RBM22: variants seen among roughly 807,000 people sequenced by gnomAD.
RBM22 encodes pre-mRNA-splicing factor RBM22.
Under a neutral mutation model 50.1 loss-of-function variants are expected in RBM22, and 1 was observed. That is an observed-to-expected ratio of 0.02 (90% CI 0.01 to 0.09). The LOEUF (loss-of-function observed/expected upper bound fraction) is 0.09. Among genes scored for constraint, RBM22 ranks in the 10% least tolerant of loss-of-function variants. The probability of loss-of-function intolerance (pLI) is 1.00; values close to 1 mark genes in which losing one functional copy is unlikely to be tolerated. For missense variants in RBM22, 264 were observed against 529.3 expected (o/e 0.50, Z 4.92); for synonymous variants, 152 against 179.0 (o/e 0.85, Z 1.20).
Position 150,690,974 on chromosome 5 carries a change from TTTCA to T in RBM22, c.*773_*776del, listed in dbSNP as rs1345358433. ...CAGAGTCCCAGCAGGAGGTCACGTC[TTTCA>T]TTCAGACGCTCCAATGCTTTTCATT... On this transcript the variant is annotated 3_prime_UTR_variant, in exon 11 of 11. Coordinates refer to ENST00000199814, the MANE Select transcript of RBM22 (RefSeq NM_018047.3). The T allele has an allele frequency of 6.6e-6, 1 of 152,370 alleles. No homozygotes were observed. The highest frequency in any genetic ancestry group is 1.5e-5 in the Non-Finnish European group (1 of 68,040). 9.4% of individuals were successfully genotyped at this position (152,370 alleles called of 1,614,324 possible). A position where few individuals can be genotyped will look rare whatever the true frequency, so the allele number is the denominator to read the frequency against.
chr5:150,691,986 T>C, intron 10 of RBM22, 105 bp from the exon 11 acceptor site: 1 of 1,235,014 alleles, frequency 8.1e-7, no homozygotes. Context: ...TAAATCAAGG[T>C]TGACACGGGG....
At chr5:150,692,709 G>T (rs1230685706) in intron 10 of RBM22, among the ~76,000 whole-genome samples, 186 bp downstream of exon 10, 2 of 151,988 alleles carry the variant, frequency 1.3e-5, no homozygotes, top group East Asian at 3.9e-4. Context: ...TAGAAAACTG[G>T]CCCCTTTCTT....
In RBM22 at chr5:150,696,430, T is replaced by G; in HGVS notation, c.545+103A>C. On this transcript the variant is annotated intron_variant, in intron 6 of 10. Transcript: ENST00000199814. The surrounding 1 kb of genome is among the most constrained non-coding windows in gnomAD (Gnocchi z 4.3). The stretch of plus-strand genomic sequence containing the variant: ...CATGAGGTATACCACATTAGTTGTA[T>G]GACCTTTAGATTTTAAAGCAGAAAC... 7.9e-7 allele frequency: 1 copy of G among 1,269,938 alleles called. No homozygotes were observed. The highest frequency in any genetic ancestry group is 1.1e-6 in the Non-Finnish European group (1 of 912,110). 78.7% of individuals were successfully genotyped at this position (1,269,938 alleles called of 1,614,324 possible).
chr5:150,692,919 C>T lies in RBM22; in HGVS notation c.1108G>A (p.Gly370Ser), dbSNP rs1759227272. Reference sequence around the variant, plus strand: ...CCTGGGGGTGGGGGTGGAGCAATGCCAGGGGGCGGTGGCAGAGCAATGTTC... The same window carrying T: ...CCTGGGGGTGGGGGTGGAGCAATGCTAGGGGGCGGTGGCAGAGCAATGTTC... ...VVNIALPPPPGIAPPPPPGFG... is the reference protein window; with the variant it reads ...VVNIALPPPPSIAPPPPPGFG... The change falls in exon 10 of 11, where the codon GGC becomes AGC. Residue 370 changes from glycine (G) to serine (S), a missense_variant. Coordinates refer to ENST00000199814, the MANE Select transcript of RBM22 (RefSeq NM_018047.3). The T allele has an allele frequency of 6.2e-7, 1 of 1,609,776 alleles. No homozygotes were observed. Among genetic ancestry groups the T allele is most frequent in the Non-Finnish European group, 8.5e-7 (1 of 1,178,254 alleles).
At position 150,698,455 on chromosome 5, in the gene RBM22, A is replaced by G. The variant is rs1269699828; in HGVS notation, c.271+44T>C. ...AGACAAAAGACTGACTTGTAGTTTT[A>G]GGCACCTGCACACTTTCAGATTTAT... On this transcript the variant is annotated intron_variant, in intron 4 of 10. Coordinates refer to ENST00000199814, the MANE Select transcript of RBM22 (RefSeq NM_018047.3). The G allele has an allele frequency of 3.1e-6, 5 of 1,596,640 alleles. 1 individual carries two copies. The Admixed American group carries it at 8.5e-5, about 27-fold the overall frequency.
In RBM22 at chr5:150,691,867, T is replaced by C. The variant is rs376285557; in HGVS notation, c.1147A>G (p.Met383Val). The part of the protein sequence containing the change: ...PPPPPGFGPH[M>V]FHPMGPPPPF... ...GGGGGTGGTCCCATTGGGTGGAACA[T>C]GTGTGGCCCAAAACCTGCAGATACG... Residue 383 changes from methionine (M) to valine (V), a missense_variant, in exon 11 of 11, where the codon ATG (methionine) becomes GTG (valine). Coordinates refer to ENST00000199814, the MANE Select transcript of RBM22 (RefSeq NM_018047.3). 4.4e-6 allele frequency: 7 copies of C among 1,591,132 alleles called. No homozygotes were observed. The highest frequency in any genetic ancestry group is 5.1e-6 in the Non-Finnish European group (6 of 1,169,416).
In RBM22 at chr5:150,692,934, G is replaced by A. The variant is rs1727948894; in HGVS notation, c.1093C>T (p.Leu365=). 6.2e-7 allele frequency: 1 copy of A among 1,612,908 alleles called. No homozygotes were observed. The highest frequency in any genetic ancestry group is 1.3e-5 in the African/African-American group (1 of 74,892). Residue 365 remains leucine, a synonymous_variant, in exon 10 of 11, where the codon CTG becomes TTG. Coordinates refer to ENST00000199814, the MANE Select transcript of RBM22 (RefSeq NM_018047.3). ...SGPPAVVNIA[L]PPPPGIAPPP... ...GGAGCAATGCCAGGGGGCGGTGGCA[G>A]AGCAATGTTCACCACAGCTGGAGGA...
At chr5:150,699,637 A>C (rs1466030411) in intron 2 of RBM22, among the ~76,000 whole-genome samples, 2 of 152,290 alleles carry the variant, frequency 1.3e-5, no homozygotes, top group African/African-American at 4.8e-5. Flanking sequence ...AAAGAAATAG[A>C]GTATATGCAT....
At chr5:150,699,388 G>C in intron 2 of RBM22, 117 bp from the exon 3 acceptor site, 2 of 1,378,498 alleles carry the variant, frequency 1.5e-6, no homozygotes, top group Non-Finnish European at 1.9e-6. Context: ...GCATCCTAGA[G>C]AGAGAAAAAC....
At position 150,690,971 on chromosome 5, in the gene RBM22, GT is replaced by G. The variant is rs1561676991; in HGVS notation, c.*779del. 1.3e-5 allele frequency: 2 copies of G among 152,330 alleles called. No individual in the cohort carries two copies. The highest frequency in any genetic ancestry group is 4.8e-5 in the African/African-American group (2 of 41,432). 9.4% of individuals were successfully genotyped at this position (152,330 alleles called of 1,614,324 possible). A position where few individuals can be genotyped will look rare whatever the true frequency, so the allele number is the denominator to read the frequency against. On this transcript the variant is annotated 3_prime_UTR_variant, in exon 11 of 11. Coordinates refer to ENST00000199814, the MANE Select transcript of RBM22 (RefSeq NM_018047.3). ...CATCAGAGTCCCAGCAGGAGGTCACGTCTTTCATTCAGACGCTCCAATGCTT... is the reference window on the plus strand; with the variant it reads ...CATCAGAGTCCCAGCAGGAGGTCACGCTTTCATTCAGACGCTCCAATGCTT...
chr5:150,691,699 G>T lies in RBM22; in HGVS notation c.*52C>A. ...AAATATATTTATTCCAAGATTTACTGGGAGTTTTAAGTGCCCTTTCTTCCA... is the reference window on the plus strand; with the variant it reads ...AAATATATTTATTCCAAGATTTACTTGGAGTTTTAAGTGCCCTTTCTTCCA... On this transcript the variant is annotated 3_prime_UTR_variant, in exon 11 of 11. Coordinates refer to ENST00000199814, the MANE Select transcript of RBM22 (RefSeq NM_018047.3). 7.0e-7 allele frequency: 1 copy of T among 1,431,646 alleles called. No individual in the cohort carries two copies. Among genetic ancestry groups the T allele is most frequent in the South Asian group, 1.7e-5 (1 of 60,058 alleles). The allele number at this position is 1,431,646 out of a possible 1,614,324, so 88.7% of individuals were successfully genotyped here.
At chr5:150,692,462 T>C in intron 10 of RBM22, among the ~76,000 whole-genome samples, 1 of 152,186 alleles carries the variant, frequency 6.6e-6, no homozygotes, top group Admixed American at 6.5e-5. Flanking sequence ...ACAGTTTTTT[T>C]GGTAACAAGA....
chr5:150,695,410 T>C, intron 7 of RBM22, 96 bp downstream of exon 7: 1 of 1,081,854 alleles, frequency 9.2e-7, no homozygotes, highest in African/African-American at 1.6e-5. Context: ...CAGAAAAATG[T>C]ATTTTGTACA....
At position 150,701,047 on chromosome 5, in the gene RBM22, G is replaced by T; in HGVS notation, c.-62C>A. ...TGGGAGAGAGGACCGCCACAATCCCGTCAAGCCCCGAGGCTAGCGCCGCGC... is the reference window on the plus strand; with the variant it reads ...TGGGAGAGAGGACCGCCACAATCCCTTCAAGCCCCGAGGCTAGCGCCGCGC... On this transcript the variant is annotated 5_prime_UTR_variant, in exon 1 of 11. Transcript: ENST00000199814. 1 of 1,606,208 alleles carries T rather than the reference G, an allele frequency of 6.2e-7. No individual in the cohort carries two copies. Among genetic ancestry groups the T allele is most frequent in the Non-Finnish European group, 8.5e-7 (1 of 1,173,074 alleles).
At position 150,698,567 on chromosome 5, in the gene RBM22, G is replaced by C. The variant is rs765943355; in HGVS notation, c.203C>G (p.Thr68Ser). ...CPGVRMRFKK[T>S]EVCQTCSKLK... is the part of the protein sequence containing the mutation. ...TTTACTGCAGGTTTGGCACACTTCA[G>C]TCTTCTTGAAACGCATGCGGACTCC... The change falls in exon 4 of 11, where the codon ACT becomes AGT. Residue 68 changes from threonine (T) to serine (S), a missense_variant. Physicochemically the swap from Thr to Ser is moderately conservative, Grantham distance 58. Transcript: ENST00000199814. 2 of 1,614,158 alleles carry C rather than the reference G, an allele frequency of 1.2e-6. No homozygotes were observed. The highest frequency in any genetic ancestry group is 1.7e-6 in the Non-Finnish European group (2 of 1,180,034).
intron 7 of RBM22, among the ~76,000 whole-genome samples, chr5:150,695,123 C>G (rs1759258818): frequency 2.6e-5 from 4 of 152,174 alleles, no homozygotes; most frequent in Admixed American, 2.6e-4. Context: ...ATCTCCCAAG[C>G]TCAAGCAATC....
intron 3 of RBM22, among the ~76,000 whole-genome samples, chr5:150,698,872 A>T (rs1286935770): frequency 6.6e-6 from 1 of 152,208 alleles, no homozygotes; most frequent in Non-Finnish European, 1.5e-5. Context: ...AGAGCTAAGC[A>T]CCAATAATAA....
intron 7 of RBM22, 120 bp downstream of exon 7, chr5:150,695,386 C>T: frequency 2.3e-6 from 2 of 884,440 alleles, no homozygotes; most frequent in Non-Finnish European, 3.4e-6. Flanking sequence ...ATGATACTAA[C>T]AATAGAGAGA....
rs375609655 is a variant in RBM22 at position 150,692,996 on chromosome 5, T to C, written c.1031A>G (p.Glu344Gly). The change falls in exon 10 of 11, where the codon GAA (glutamate) becomes GGA (glycine). Residue 344 changes from glutamate (E) to glycine (G), a missense_variant. Glu to Gly is a moderately conservative substitution (Grantham distance 98). Around this residue, in one of 7 missense-constraint regions of RBM22, gnomAD observed 106 missense variants for 137.1 expected, o/e 0.77. Transcript: ENST00000199814. The stretch of plus-strand genomic sequence containing the variant: ...CAAGTTGAAGTAGTTGGCAGAGGCT[T>C]CTTCTTCTGCTGCAGGAGGAGGAGG... The part of the protein sequence containing the change: ...ALPPPPAAEE[E>G]ASANYFNLPP... The C allele has an allele frequency of 3.1e-6, 5 of 1,612,426 alleles. No individual in the cohort carries two copies. Among genetic ancestry groups the C allele is most frequent in the Non-Finnish European group, 4.2e-6 (5 of 1,179,294 alleles).
Sources: allele counts gnomAD v4.1 joint callset (sites outside exome capture counted in the v4.1 genomes callset), GRCh38; gene constraint gnomAD v4.1.1; regional missense constraint gnomAD v4.1.1; non-coding constraint Gnocchi (gnomAD v3.1); transcripts MANE v1.5; gene names NCBI Gene and HGNC (gene_info 2026-07-23, HGNC 2026-07-21).